Variants in PCLO observed in about 807,000 individuals in gnomAD.
PCLO encodes the protein piccolo presynaptic cytomatrix protein.
Under a neutral mutation model 427.5 loss-of-function variants are expected in PCLO, and 82 were observed. That is an observed-to-expected ratio of 0.19 (90% confidence interval 0.16 to 0.23). PCLO has a LOEUF of 0.23. Among genes scored for constraint, PCLO ranks in the 10% least tolerant of loss-of-function variants. The probability of loss-of-function intolerance (pLI) is 1.00; values close to 1 mark genes in which losing one functional copy is unlikely to be tolerated. For synonymous variants in PCLO, 2,357 were observed against 2,155.4 expected (o/e 1.09, Z -2.59); for missense variants, 6,239 against 6,115.9 (o/e 1.02, Z -0.67).
At chr7:82,975,049 T>C (rs1434384646) in intron 3 of PCLO, among the ~76,000 whole-genome samples, 2 of 152,170 alleles carry the variant, frequency 1.3e-5, no homozygotes, top group South Asian at 4.1e-4. Flanking sequence ...AGTGCTGGGA[T>C]TACAGGCGTG....
At position 83,110,884 on chromosome 7, in the gene PCLO, A is replaced by G. The variant is rs573653837; in HGVS notation, c.3300+23366T>C. 5.3e-5 allele frequency among the ~76,000 whole-genome samples: 8 copies of G among 152,318 alleles called. No homozygotes were observed. In the South Asian group the frequency reaches 1.7e-3, roughly 32 times the overall value. ...ATTTCCTATATAGTCTGGTTCATTT[A>G]GCAAAGCAATGATAAAATTACAAAA... is the stretch of plus-strand genomic sequence containing the variant. On this transcript the variant is annotated intron_variant, in intron 3 of 24. Coordinates refer to ENST00000333891, the MANE Select transcript of PCLO (RefSeq NM_033026.6).
chr7:82,778,238 T>C (rs1016342034), intron 22 of PCLO, among the ~76,000 whole-genome samples: 4 of 152,178 alleles, frequency 2.6e-5, no homozygotes, highest in African/African-American at 9.7e-5. Flanking sequence ...CCAGTCATAA[T>C]GGCTCTTATT....
Position 82,950,647 on chromosome 7 carries a change from T to C in PCLO, c.9941A>G (p.Gln3314Arg), listed in dbSNP as rs1036624737. ...AGGGTCATAGTTATACTGGTAGATC[T>C]GCCGAATCTTTTGCTCCTCCAGCTG... ...HQQLEEQKIR[Q>R]IYQYNYDPSG... Residue 3314 changes from glutamine (Q) to arginine (R), a missense_variant, in exon 6 of 25, where the codon CAG (glutamine) becomes CGG (arginine). Physicochemically the swap from Gln to Arg is conservative, Grantham distance 43. Transcript: ENST00000333891. 6.2e-7 allele frequency: 1 copy of C among 1,613,850 alleles called. No homozygotes were observed.
chr7:82,794,020 A>ATTTAAAAT (rs1320718727), intron 22 of PCLO, among the ~76,000 whole-genome samples: 5 of 152,194 alleles, frequency 3.3e-5, no homozygotes, highest in East Asian at 3.9e-4. Flanking sequence ...AATCCCTTCC[A>ATTTAAAAT]TTTAAAATTT....
rs1277685219 is a variant in PCLO at position 83,135,464 on chromosome 7, T to C, written c.2086A>G (p.Lys696Glu). 6.2e-7 allele frequency: 1 copy of C among 1,613,828 alleles called. No individual in the cohort carries two copies. The highest frequency in any genetic ancestry group is 1.1e-5 in the South Asian group (1 of 91,066). Residue 696 changes from lysine (K) to glutamate (E), a missense_variant, in exon 3 of 25, where the codon AAG becomes GAG. Lys to Glu is a moderately conservative substitution (Grantham distance 56, BLOSUM62 1). Transcript: ENST00000333891. ...KDAAPKQDLSKAPEPKKPPPL... is the reference protein window; with the variant it reads ...KDAAPKQDLSEAPEPKKPPPL... Reference sequence around the variant, plus strand: ...GGTGGCTTTTTAGGCTCAGGTGCCTTGGAGAGATCCTGTTTTGGTGCAGCA... The same window carrying C: ...GGTGGCTTTTTAGGCTCAGGTGCCTCGGAGAGATCCTGTTTTGGTGCAGCA...
In PCLO at chr7:82,926,866, G is replaced by GTATGTGTACAT. The variant is rs150486453; in HGVS notation, c.11113-10004_11113-9994dup. Among the ~76,000 whole-genome samples, 972 of 152,116 alleles carry GTATGTGTACAT rather than the reference G, an allele frequency of 6.4e-3. 14 individuals are homozygous for GTATGTGTACAT. Among genetic ancestry groups the GTATGTGTACAT allele is most frequent in the African/African-American group, 0.022 (912 of 41,530 alleles). On this transcript the variant is annotated intron_variant, in intron 6 of 24. Coordinates refer to ENST00000333891, the MANE Select transcript of PCLO (RefSeq NM_033026.6). ...GGTGAGCATTTTTTGATATGTGAATGTATGTGTACATTTTTCTCCCTCCCT... is the reference window on the plus strand; with the variant it reads ...GGTGAGCATTTTTTGATATGTGAATGTATGTGTACATTATGTGTACATTTTTCTCCCTCCCT...
At chr7:82,807,334 C>T (rs1791476216) in intron 20 of PCLO, among the ~76,000 whole-genome samples, 1 of 152,148 alleles carries the variant, frequency 6.6e-6, no homozygotes, top group African/African-American at 2.4e-5. Context: ...ATAAATGCGT[C>T]CCTATCCCAT....
chr7:82,869,898 T>C (rs1019213057), intron 10 of PCLO, among the ~76,000 whole-genome samples: 9 of 152,022 alleles, frequency 5.9e-5, no homozygotes, highest in Admixed American at 1.3e-4. Context: ...TTCATTCTTA[T>C]GTGTCCTCTT....
At chr7:82,939,935 A>C (rs1584186107) in intron 6 of PCLO, among the ~76,000 whole-genome samples, 1 of 131,846 alleles carries the variant, frequency 7.6e-6, no homozygotes, top group South Asian at 2.5e-4. Context: ...TGGTTAAAAG[A>C]TGGTAAATTA....
intron 6 of PCLO, among the ~76,000 whole-genome samples, chr7:82,925,548 T>C (rs1794692644): frequency 6.6e-6 from 1 of 152,016 alleles, no homozygotes; most frequent in Admixed American, 6.6e-5. Flanking sequence ...CACAGTTAAA[T>C]ATAGAAATAT....
At position 82,756,978 on chromosome 7, in the gene PCLO, A is replaced by G. The variant is rs988916702; in HGVS notation, c.*1597T>C. 6.6e-6 allele frequency: 1 copy of G among 152,134 alleles called. No homozygotes were observed. Among genetic ancestry groups the G allele is most frequent in the Non-Finnish European group, 1.5e-5 (1 of 68,006 alleles). 9.4% of individuals were successfully genotyped at this position (152,134 alleles called of 1,614,324 possible). On this transcript the variant is annotated 3_prime_UTR_variant, in exon 25 of 25. Coordinates refer to ENST00000333891, the MANE Select transcript of PCLO (RefSeq NM_033026.6). ...CATATAAAATTTGAGAATTAAAAAG[A>G]TATGTAATAATTATTCCTCACTTCT...
chr7:82,933,556 G>A (rs552207548), intron 6 of PCLO, among the ~76,000 whole-genome samples: 31 of 151,970 alleles, frequency 2.0e-4, no homozygotes, highest in African/African-American at 7.0e-4. Context: ...CACTGGCATT[G>A]AGTGGTCCAG....
chr7:83,039,334 T>A (rs1018876287), intron 3 of PCLO, among the ~76,000 whole-genome samples: 1 of 152,190 alleles, frequency 6.6e-6, no homozygotes, highest in African/African-American at 2.4e-5. Flanking sequence ...TTATAAAATT[T>A]TTCAAGTTTT....
chr7:82,902,626 TA>T (rs753848386), intron 9 of PCLO, 24 bp downstream of exon 9: 2 of 1,328,116 alleles, frequency 1.5e-6, no homozygotes, highest in Admixed American at 4.0e-5. Context: ...ACAAAAAAAA[TA>T]TTAGATTATA....
chr7:82,916,181 G>C lies in PCLO; in HGVS notation c.11805C>G (p.Ser3935=), dbSNP rs759835435. 1 of 1,613,588 alleles carries C rather than the reference G, an allele frequency of 6.2e-7. No homozygotes were observed. The change falls in exon 7 of 25, where the codon TCC becomes TCG. Residue 3935 remains serine (S), a synonymous_variant. Coordinates refer to ENST00000333891, the MANE Select transcript of PCLO (RefSeq NM_033026.6). ...QPTFQAVATM[S]FTPQVQPTPT... ...GTGTAGGTTGAACTTGAGGTGTGAAGGACATTGTTGCCACAGCTTGGAATG... is the reference window on the plus strand; with the variant it reads ...GTGTAGGTTGAACTTGAGGTGTGAACGACATTGTTGCCACAGCTTGGAATG...
chr7:83,038,027 A>ATATATG lies in PCLO; in HGVS notation c.3301-71541_3301-71540insCATATA, dbSNP rs1372279746. Among the ~76,000 whole-genome samples the ATATATG allele has an allele frequency of 9.1e-5, 4 of 44,160 alleles. No individual in the cohort carries two copies. The East Asian group carries it at 1.8e-3, about 20-fold the overall frequency. The allele number at this position is 44,160 out of a possible 152,430, so 29.0% of individuals were successfully genotyped here. A position where few individuals can be genotyped will look rare whatever the true frequency, so the allele number is the denominator to read the frequency against. On this transcript the variant is annotated intron_variant, in intron 3 of 24. Coordinates refer to ENST00000333891, the MANE Select transcript of PCLO (RefSeq NM_033026.6). The stretch of plus-strand genomic sequence containing the variant: ...TATATATATATATATATATATATAT[A>ATATATG]TATTTATATATTTATATATATATCT...
intron 3 of PCLO, among the ~76,000 whole-genome samples, chr7:83,107,973 G>GT (rs1376711585): frequency 8.2e-6 from 1 of 122,434 alleles, no homozygotes; most frequent in Admixed American, 9.0e-5. Context: ...AGGTGACAGA[G>GT]TGAGACTCCG....
chr7:82,834,017 A>C (rs1792163723), intron 16 of PCLO, among the ~76,000 whole-genome samples: 1 of 152,128 alleles, frequency 6.6e-6, no homozygotes, highest in African/African-American at 2.4e-5. Flanking sequence ...TTGTCAATAT[A>C]ATTCCCTCTT....
intron 3 of PCLO, among the ~76,000 whole-genome samples, chr7:83,095,356 T>C (rs1299472371): frequency 6.6e-6 from 1 of 152,062 alleles, no homozygotes; most frequent in Admixed American, 6.6e-5. Flanking sequence ...GCTACAGATT[T>C]GTTAATGTTG....
Sources: gnomAD v4.1 joint callset for allele counts (sites outside exome capture counted in the v4.1 genomes callset) on GRCh38, gnomAD v4.1.1 for gene constraint, MANE v1.5 for transcripts, NCBI Gene and HGNC (gene_info 2026-07-23, HGNC 2026-07-21) for gene names.